The following TMEM38B variants were observed in gnomAD, a reference collection of about 807,000 sequenced individuals.
TMEM38B encodes the protein trimeric intracellular cation channel type B.
Under a neutral mutation model 28.7 loss-of-function variants are expected in TMEM38B, and 24 were observed. The observed-to-expected ratio is 0.84, with a 90% CI of 0.61 to 1.18. TMEM38B has a LOEUF of 1.18. Ranked by LOEUF, TMEM38B falls within the 50% of genes most tolerant of loss-of-function variation. TMEM38B has a pLI of 0.00. For synonymous variants in TMEM38B, 131 were observed against 127.7 expected, an observed-to-expected ratio of 1.03 and a Z score of -0.17; for missense variants, 380 against 350.9, an observed-to-expected ratio of 1.08 and a Z score of -0.66.
chr9:105,726,855 C>T (rs1055641902), intron 4 of TMEM38B, among the ~76,000 whole-genome samples: 8 of 151,958 alleles, frequency 5.3e-5, no homozygotes, highest in African/African-American at 1.9e-4. Context: ...ATTGTTTCCT[C>T]TAGTCCTTTT....
intron 4 of TMEM38B, among the ~76,000 whole-genome samples, chr9:105,739,518 A>C (rs947805153): frequency 2.0e-5 from 3 of 152,168 alleles, no homozygotes; most frequent in South Asian, 2.1e-4. Context: ...TCTTATAACA[A>C]TATTAAGTGT....
At chr9:105,757,493 C>G (rs1837873634) in intron 5 of TMEM38B, among the ~76,000 whole-genome samples, 1 of 152,114 alleles carries the variant, frequency 6.6e-6, no homozygotes, top group African/African-American at 2.4e-5. Flanking sequence ...ATACTGTTTT[C>G]CATAGTGATT....
intron 5 of TMEM38B, among the ~76,000 whole-genome samples, chr9:105,768,475 T>A (rs922460278): frequency 3.9e-5 from 6 of 152,146 alleles, no homozygotes; most frequent in Admixed American, 3.9e-4. Flanking sequence ...TCTGAGTTTA[T>A]GTAGGTTTGA....
chr9:105,732,576 C>T (rs1387611060), intron 4 of TMEM38B, among the ~76,000 whole-genome samples: 1 of 152,134 alleles, frequency 6.6e-6, no homozygotes, highest in Non-Finnish European at 1.5e-5. Flanking sequence ...ATCCTTTCCC[C>T]ATTTCTTGTT....
rs750264678 is a variant in TMEM38B, at chr9:105,774,094, G to A, written c.*14G>A. 1.2e-6 allele frequency: 2 copies of A among 1,606,142 alleles called. No homozygotes were observed. Among genetic ancestry groups the A allele is most frequent in the African/African-American group, 1.3e-5 (1 of 74,218 alleles). On this transcript the variant is annotated 3_prime_UTR_variant, in exon 6 of 6. Transcript: ENST00000374692. ...AAGAATGAATAAATTTACGTGATGAGCTCTACAAGGCCAAAAATTTTTTTT... is the reference window on the plus strand; with the variant it reads ...AAGAATGAATAAATTTACGTGATGAACTCTACAAGGCCAAAAATTTTTTTT...
At chr9:105,754,039 A>C (rs1485617449) in intron 5 of TMEM38B, among the ~76,000 whole-genome samples, 1 of 152,208 alleles carries the variant, frequency 6.6e-6, no homozygotes, top group Non-Finnish European at 1.5e-5. Flanking sequence ...AACAGACTTT[A>C]AAACTAATGA....
At chr9:105,722,476 A>T in intron 3 of TMEM38B, 58 bp from the exon 4 acceptor site, 1 of 1,324,022 alleles carries the variant, frequency 7.6e-7, no homozygotes, top group Non-Finnish European at 1.1e-6. Flanking sequence ...GGCTCCCTTT[A>T]AATATGTTTT....
At chr9:105,706,007 T>G (rs1276596911) in intron 2 of TMEM38B, among the ~76,000 whole-genome samples, 1 of 151,900 alleles carries the variant, frequency 6.6e-6, no homozygotes, top group Admixed American at 6.6e-5. Flanking sequence ...TTCAAGTGAT[T>G]CTTCTGCCTC....
intron 2 of TMEM38B, among the ~76,000 whole-genome samples, chr9:105,720,197 G>A (rs1448530202): frequency 6.6e-6 from 1 of 151,834 alleles, no homozygotes; most frequent in Non-Finnish European, 1.5e-5. Context: ...CTGTATTTTG[G>A]ATTTTGAATC....
At chr9:105,759,216 T>C in intron 5 of TMEM38B, 1 of 720,106 alleles carries the variant, frequency 1.4e-6, no homozygotes, top group South Asian at 1.6e-5. Context: ...ATATTATGAA[T>C]TATTTGTGAA....
intron 4 of TMEM38B, among the ~76,000 whole-genome samples, chr9:105,737,266 C>T (rs2133600833): frequency 6.6e-6 from 1 of 152,244 alleles, no homozygotes; most frequent in East Asian, 1.9e-4. Context: ...AGCTGTGACT[C>T]TAATCCTGGG....
chr9:105,745,846 C>T lies in TMEM38B; in HGVS notation c.543-2227C>T, dbSNP rs947037725. ...CATTTATTAGGTAGGGAATCCTTTC[C>T]CCATTTCTTGTTTTTGTCAGGTTTG... On this transcript the variant is annotated intron_variant, in intron 4 of 5. Coordinates refer to ENST00000374692, the MANE Select transcript of TMEM38B (RefSeq NM_018112.3). Among the ~76,000 whole-genome samples the T allele has an allele frequency of 4.6e-5, 7 of 152,132 alleles. 1 individual carries two copies. In the South Asian group the frequency reaches 1.2e-3, roughly 27 times the overall value.
intron 4 of TMEM38B, among the ~76,000 whole-genome samples, chr9:105,723,172 CT>C (rs1379152178): frequency 6.6e-6 from 1 of 152,162 alleles, no homozygotes; most frequent in African/African-American, 2.4e-5. Context: ...GTGATACAAA[CT>C]GCCTTTTGCA....
rs187268222 is a variant in TMEM38B, at chr9:105,717,149, A to T, written c.270-4388A>T. ...TATGCAGCCACTACCATCTTCTCAGAACCCTTACCATTAGTTTTTATGTCA... is the reference window on the plus strand; with the variant it reads ...TATGCAGCCACTACCATCTTCTCAGTACCCTTACCATTAGTTTTTATGTCA... On this transcript the variant is annotated intron_variant, in intron 2 of 5. Transcript: ENST00000374692. Among the ~76,000 whole-genome samples, 3 of 152,276 alleles carry T rather than the reference A, an allele frequency of 2.0e-5. No individual in the cohort carries two copies. In the East Asian group the frequency reaches 5.8e-4, roughly 29 times the overall value.
chr9:105,749,090 A>G, intron 5 of TMEM38B: 1 of 1,303,862 alleles, frequency 7.7e-7, no homozygotes, highest in Middle Eastern at 2.1e-4. Context: ...TGAATTGGAG[A>G]TGATCTGTGG....
At chr9:105,744,898 C>A (rs1174565268) in intron 4 of TMEM38B, among the ~76,000 whole-genome samples, 9 of 152,154 alleles carry the variant, frequency 5.9e-5, no homozygotes, top group Non-Finnish European at 1.2e-4. Flanking sequence ...TCATCCATGT[C>A]CCTACAAAGG....
rs1355315057 is a variant in TMEM38B, at chr9:105,729,519, C to G, written c.542+6898C>G. ...TAGTTTGAAGTCAGGTAGCGTGATG[C>G]CTCCAGCTTTGTTCTTTTTGCTTAG... On this transcript the variant is annotated intron_variant, in intron 4 of 5. Coordinates refer to ENST00000374692, the MANE Select transcript of TMEM38B (RefSeq NM_018112.3). Among the ~76,000 whole-genome samples the G allele has an allele frequency of 2.6e-5, 4 of 152,134 alleles. No individual in the cohort carries two copies. The East Asian group carries it at 7.7e-4, about 29-fold the overall frequency.
intron 4 of TMEM38B, among the ~76,000 whole-genome samples, chr9:105,729,132 GT>G (rs1240793241): frequency 6.6e-6 from 1 of 152,174 alleles, no homozygotes; most frequent in African/African-American, 2.4e-5. Context: ...TGCTTTTGGT[GT>G]TTTAGTCATG....
chr9:105,762,646 C>A (rs928841511), intron 5 of TMEM38B, among the ~76,000 whole-genome samples: 9 of 130,696 alleles, frequency 6.9e-5, no homozygotes, highest in African/African-American at 2.7e-4. Flanking sequence ...TTTTCTTAAT[C>A]CAGTCTATCA....
Sources: gnomAD v4.1 joint callset for allele counts (sites outside exome capture counted in the v4.1 genomes callset) on GRCh38, gnomAD v4.1.1 for gene constraint, MANE v1.5 for transcripts, NCBI Gene and HGNC (gene_info 2026-07-23, HGNC 2026-07-21) for gene names.